The following SEMA6D variants were observed in gnomAD, a reference collection of about 807,000 sequenced individuals.
SEMA6D encodes the protein semaphorin 6D, also known as semaphorin-6D.
SEMA6D carries 35 observed loss-of-function variants against 106.6 expected under a neutral mutation model. The ratio of observed to expected loss-of-function variants is 0.33; its 90% CI spans 0.25 to 0.44. The LOEUF (loss-of-function observed/expected upper bound fraction) is 0.44. SEMA6D is among the 20% of genes least tolerant of loss of function. The pLI, the probability that SEMA6D is intolerant of heterozygous loss-of-function variation, is 1.00. For missense variants in SEMA6D, 1,185 were observed against 1,345.9 expected (o/e 0.88, Z 1.87); for synonymous variants, 499 against 487.7 (o/e 1.02, Z -0.31).
At chr15:47,652,238 A>G (rs1267929346) in intron 4 of SEMA6D, among the ~76,000 whole-genome samples, 2 of 152,186 alleles carry the variant, frequency 1.3e-5, no homozygotes, top group Non-Finnish European at 2.9e-5. Flanking sequence ...TAGAAATATG[A>G]GAGACAAAGA....
At chr15:47,761,862 G>A (rs1597052166) in intron 7 of SEMA6D, 111 bp downstream of exon 7, 8 of 943,486 alleles carry the variant, frequency 8.5e-6, no homozygotes, top group Non-Finnish European at 1.1e-5. Flanking sequence ...TGATCTAAGT[G>A]TTCGAAAGGC....
chr15:47,597,114 A>G (rs2143197721), intron 3 of SEMA6D, among the ~76,000 whole-genome samples: 2 of 152,216 alleles, frequency 1.3e-5, no homozygotes. Context: ...AAAAAGGGCA[A>G]CAGATATATG....
At chr15:47,727,741 C>T (rs933261587) in intron 1 of SEMA6D, among the ~76,000 whole-genome samples, 1 of 147,698 alleles carries the variant, frequency 6.8e-6, no homozygotes, top group African/African-American at 2.5e-5. Context: ...TTTCTGCTGA[C>T]CGGCCTATAT....
chr15:47,227,569 T>TCACACACA (rs1555407289), intron 1 of SEMA6D, among the ~76,000 whole-genome samples: 47 of 127,960 alleles, frequency 3.7e-4, no homozygotes, highest in African/African-American at 1.4e-3. Flanking sequence ...TCTCTCTCTC[T>TCACACACA]CACACACACA....
chr15:47,538,765 G>A (rs1414370562), intron 3 of SEMA6D, among the ~76,000 whole-genome samples: 6 of 152,088 alleles, frequency 3.9e-5, no homozygotes, highest in Admixed American at 3.9e-4. Flanking sequence ...TTTTCCAACT[G>A]TCAAAAAATC....
chr15:47,649,342 A>G (rs2077641148), intron 4 of SEMA6D, among the ~76,000 whole-genome samples: 1 of 152,204 alleles, frequency 6.6e-6, no homozygotes, highest in South Asian at 2.1e-4. Context: ...ACTGAACTAC[A>G]CAAGCCACTG....
At chr15:47,232,365 G>A (rs1213769346) in intron 1 of SEMA6D, among the ~76,000 whole-genome samples, 1 of 151,956 alleles carries the variant, frequency 6.6e-6, no homozygotes, top group East Asian at 1.9e-4. Flanking sequence ...ATACCTGGGA[G>A]TGGAATTGCT....
At chr15:47,546,588 T>G (rs752628599) in intron 3 of SEMA6D, among the ~76,000 whole-genome samples, 1 of 152,092 alleles carries the variant, frequency 6.6e-6, no homozygotes, top group Non-Finnish European at 1.5e-5. Flanking sequence ...AAAGTCTCAA[T>G]GTAGATGACC....
intron 1 of SEMA6D, among the ~76,000 whole-genome samples, chr15:47,327,098 G>C (rs2037161819): frequency 6.6e-6 from 1 of 152,140 alleles, no homozygotes; most frequent in Non-Finnish European, 1.5e-5. Context: ...CTACTGTGTG[G>C]ATACCCTGCT....
At chr15:47,325,003 T>C (rs1232516890) in intron 1 of SEMA6D, among the ~76,000 whole-genome samples, 4 of 152,184 alleles carry the variant, frequency 2.6e-5, no homozygotes, top group Admixed American at 6.5e-5. Context: ...TTGGCTCTTA[T>C]ATTTGCTATT....
At chr15:47,267,867 C>T (rs186611344) in intron 1 of SEMA6D, among the ~76,000 whole-genome samples, 116 of 152,160 alleles carry the variant, frequency 7.6e-4, no homozygotes, top group African/African-American at 2.6e-3. Context: ...TTTGATTTTA[C>T]GTTACTTATC....
intron 1 of SEMA6D, among the ~76,000 whole-genome samples, chr15:47,745,522 C>T (rs971055844): frequency 6.6e-6 from 1 of 152,234 alleles, no homozygotes; most frequent in Non-Finnish European, 1.5e-5. Flanking sequence ...GCTTAATACC[C>T]TCTTGGTCTT....
intron 4 of SEMA6D, among the ~76,000 whole-genome samples, chr15:47,622,906 G>C (rs1224820489): frequency 1.3e-5 from 2 of 152,162 alleles, no homozygotes; most frequent in Non-Finnish European, 2.9e-5. Context: ...CCTCAAGAGA[G>C]TTGCGGGCAT....
chr15:47,270,441 C>G (rs1344360679), intron 1 of SEMA6D, among the ~76,000 whole-genome samples: 1 of 151,910 alleles, frequency 6.6e-6, no homozygotes, highest in Non-Finnish European at 1.5e-5. Flanking sequence ...AAATCTCAAT[C>G]TTTATGCCTT....
rs1277586191 is a variant in SEMA6D, at chr15:47,505,174, T to C, written c.-87+34629T>C. On this transcript the variant is annotated intron_variant, in intron 3 of 19. Coordinates refer to the SEMA6D transcript ENST00000558014. ...AAGGGAAGAGAAAGGACCATAAATATGCTCTTCTGTCCCACCTCTTCTAGT... is the reference window on the plus strand; with the variant it reads ...AAGGGAAGAGAAAGGACCATAAATACGCTCTTCTGTCCCACCTCTTCTAGT... Among the ~76,000 whole-genome samples the C allele has an allele frequency of 3.9e-5, 6 of 152,210 alleles. No individual in the cohort carries two copies. In the East Asian group the frequency reaches 7.8e-4, roughly 20 times the overall value.
At chr15:47,377,129 TGAA>T (rs2039475869) in intron 1 of SEMA6D, among the ~76,000 whole-genome samples, 1 of 152,242 alleles carries the variant, frequency 6.6e-6, no homozygotes, top group South Asian at 2.1e-4. Flanking sequence ...TGACCCACCT[TGAA>T]TTATTAAATT....
chr15:47,762,289 A>G lies in SEMA6D; in HGVS notation c.628A>G (p.Thr210Ala). The G allele has an allele frequency of 6.2e-7, 1 of 1,613,594 alleles. No individual in the cohort carries two copies. The highest frequency in any genetic ancestry group is 8.5e-7 in the Non-Finnish European group (1 of 1,179,598). Reference protein sequence around the residue: ...RSMGDGSALRTIKYDSKWIKE... With the variant: ...RSMGDGSALRAIKYDSKWIKE... The stretch of plus-strand genomic sequence containing the variant: ...CATGGGTGATGGATCTGCCCTTCGC[A>G]CAATAAAATATGATTCCAAATGGAT... Residue 210 changes from threonine (T) to alanine (A), a missense_variant, in exon 8 of 19, where the codon ACA becomes GCA. Transcript: ENST00000536845.
rs71719777 is a variant in SEMA6D at position 47,756,896 on chromosome 15, A to ATTT, written c.-54-2832_-54-2830dup. 5.9e-3 allele frequency among the ~76,000 whole-genome samples: 790 copies of ATTT among 133,648 alleles called. 23 individuals carry two copies. In the East Asian group the frequency reaches 0.071, roughly 12 times the overall value. 87.7% of individuals were successfully genotyped at this position (133,648 alleles called of 152,430 possible). On this transcript the variant is annotated intron_variant, in intron 1 of 18. Transcript: ENST00000536845. The stretch of plus-strand genomic sequence containing the variant: ...AACTACTATGGCAAGTCTGAATGTA[A>ATTT]TTTTTTTTTTTTTTTTTTTCAGAAA...
intron 2 of SEMA6D, among the ~76,000 whole-genome samples, chr15:47,436,991 G>A: frequency 7.0e-6 from 1 of 142,702 alleles, no homozygotes; most frequent in East Asian, 2.1e-4. Context: ...AGAAGGGAAG[G>A]GGAGGGGAGG....
Sources: gnomAD v4.1 joint callset for allele counts (sites outside exome capture counted in the v4.1 genomes callset) on GRCh38, gnomAD v4.1.1 for gene constraint, MANE v1.5 for transcripts, NCBI Gene and HGNC (gene_info 2026-07-23, HGNC 2026-07-21) for gene names.